Variants in ZFHX3 observed in about 807,000 individuals in gnomAD.
ZFHX3 encodes zinc finger homeobox 3.
ZFHX3 carries 42 observed loss-of-function variants against 279.1 expected under a neutral mutation model. The ratio of observed to expected loss-of-function variants is 0.15; its 90% CI spans 0.12 to 0.19. The LOEUF is 0.19. Ranked by LOEUF, ZFHX3 falls within the 10% of genes least tolerant of loss-of-function variation. The pLI is 1.00. For synonymous variants in ZFHX3, 2,293 were observed against 1,957.8 expected, an observed-to-expected ratio of 1.17 and a Z score of -4.52; for missense variants, 4,981 against 4,754.0, an observed-to-expected ratio of 1.05 and a Z score of -1.40.
intron 5 of ZFHX3, among the ~76,000 whole-genome samples, chr16:72,827,670 C>G (rs776393592): frequency 5.3e-5 from 8 of 152,232 alleles, no homozygotes; most frequent in Non-Finnish European, 1.0e-4. Flanking sequence ...GGCAAAGCCC[C>G]ACAGGAGGAT....
At chr16:73,270,695 C>T (rs1025451026) in intron 4 of ZFHX3, among the ~76,000 whole-genome samples, 6 of 152,114 alleles carry the variant, frequency 3.9e-5, no homozygotes, top group Non-Finnish European at 8.8e-5. Flanking sequence ...TCAGCGGTCC[C>T]CTATCAGGCT....
At chr16:73,454,904 TAAAA>T (rs57645704) in intron 3 of ZFHX3, among the ~76,000 whole-genome samples, 2 of 142,502 alleles carry the variant, frequency 1.4e-5, no homozygotes, top group Non-Finnish European at 3.1e-5. Flanking sequence ...ATAAGACAGT[TAAAA>T]AAAAAAAAAA....
intron 3 of ZFHX3, among the ~76,000 whole-genome samples, chr16:73,383,591 C>T (rs1328573777): frequency 1.3e-5 from 2 of 151,580 alleles, no homozygotes; most frequent in East Asian, 3.9e-4. Context: ...AGCAACAGAG[C>T]TCTTGCGGCT....
chr16:73,659,620 C>G (rs549468485), intron 2 of ZFHX3, among the ~76,000 whole-genome samples: 1 of 152,058 alleles, frequency 6.6e-6, no homozygotes, highest in Non-Finnish European at 1.5e-5. Flanking sequence ...AATAGAAATA[C>G]AGTATTCTTA....
intron 2 of ZFHX3, among the ~76,000 whole-genome samples, chr16:73,472,335 A>T (rs1194933283): frequency 1.3e-5 from 2 of 151,388 alleles, no homozygotes; most frequent in Non-Finnish European, 2.9e-5. Flanking sequence ...TCTCTTGCCC[A>T]TGGTGGCACG....
chr16:73,464,798 C>T (rs1227078854), intron 2 of ZFHX3, among the ~76,000 whole-genome samples: 1 of 152,218 alleles, frequency 6.6e-6, no homozygotes, highest in African/African-American at 2.4e-5. Context: ...CCCAGACCCG[C>T]CTTTGGGTCC....
At chr16:73,131,626 G>C (rs1298139380) in intron 6 of ZFHX3, among the ~76,000 whole-genome samples, 1 of 152,220 alleles carries the variant, frequency 6.6e-6, no homozygotes, top group Non-Finnish European at 1.5e-5. Context: ...ATCCAGAGGA[G>C]AGGGCGAAAG....
intron 2 of ZFHX3, among the ~76,000 whole-genome samples, chr16:73,660,936 G>C (rs1278391229): frequency 5.9e-5 from 9 of 152,032 alleles, no homozygotes; most frequent in Admixed American, 1.3e-4. Context: ...CTAATATGCT[G>C]ATCTACACGT....
At chr16:72,995,679 C>A (rs560937442) in intron 1 of ZFHX3, among the ~76,000 whole-genome samples, 23 of 152,228 alleles carry the variant, frequency 1.5e-4, no homozygotes, top group Middle Eastern at 6.8e-3. Flanking sequence ...CACGGGAATC[C>A]GCCCACAAAC....
chr16:73,185,216 T>C (rs1474245246), intron 5 of ZFHX3, among the ~76,000 whole-genome samples: 1 of 152,202 alleles, frequency 6.6e-6, no homozygotes. Context: ...GTTGAGGGCA[T>C]AGGTGATGGC....
intron 2 of ZFHX3, among the ~76,000 whole-genome samples, chr16:73,576,176 C>G (rs1296696360): frequency 6.6e-6 from 1 of 152,114 alleles, no homozygotes; most frequent in African/African-American, 2.4e-5. Context: ...AAACAATCCC[C>G]ATTTAAGCAG....
Position 72,794,634 on chromosome 16 carries a change from C to T in ZFHX3, c.8048G>A (p.Arg2683His), listed in dbSNP as rs1334159390. The change falls in exon 9 of 10, where the codon CGT (arginine) becomes CAT (histidine). Residue 2683 changes from arginine to histidine, a missense_variant. Coordinates refer to ENST00000268489, the MANE Select transcript of ZFHX3 (RefSeq NM_006885.4). The surrounding 1 kb of genome is among the most constrained non-coding windows in gnomAD (Gnocchi z 4.2). The stretch of plus-strand genomic sequence containing the variant: ...GTTCTGAAACCAGACTTGTACCACA[C>T]GTTTCTTCAAGCCCACCTCGTGTGC... The part of the protein sequence containing the change: ...HIAHEVGLKK[R>H]VVQVWFQNTR... 1.9e-6 allele frequency: 3 copies of T among 1,614,184 alleles called. No homozygotes were observed. Among genetic ancestry groups the T allele is most frequent in the South Asian group, 1.1e-5 (1 of 91,086 alleles).
intron 2 of ZFHX3, among the ~76,000 whole-genome samples, chr16:73,627,886 C>G (rs1037640939): frequency 5.3e-5 from 8 of 152,116 alleles, no homozygotes; most frequent in African/African-American, 1.4e-4. Flanking sequence ...CCACTGCACT[C>G]CAGCCTGGGC....
At chr16:73,079,520 A>T (rs1206123054) in intron 8 of ZFHX3, among the ~76,000 whole-genome samples, 1 of 152,176 alleles carries the variant, frequency 6.6e-6, no homozygotes, top group Non-Finnish European at 1.5e-5. Flanking sequence ...TTTTTTAAAA[A>T]TAGAGATGGG....
chr16:73,401,246 G>C (rs1057273887), intron 3 of ZFHX3: 1 of 151,904 alleles, frequency 6.6e-6, no homozygotes, highest in Non-Finnish European at 1.5e-5. Flanking sequence ...TCCTCAGATG[G>C]CCCTCACAAA....
chr16:73,152,300 GGT>G, intron 5 of ZFHX3, among the ~76,000 whole-genome samples: 1 of 152,186 alleles, frequency 6.6e-6, no homozygotes, highest in African/African-American at 2.4e-5. Flanking sequence ...TGTCAGAGAC[GGT>G]GACAGTTGTG....
intron 4 of ZFHX3, among the ~76,000 whole-genome samples, chr16:72,866,928 T>C (rs963130451): frequency 6.6e-6 from 1 of 152,194 alleles, no homozygotes; most frequent in Admixed American, 6.5e-5. Context: ...GCAGGAAATA[T>C]CCAGATTCCC....
At position 72,843,338 on chromosome 16, in the gene ZFHX3, G is replaced by A. The variant is rs536283677; in HGVS notation, c.3449-13479C>T. On this transcript the variant is annotated intron_variant, in intron 4 of 9. Transcript: ENST00000268489. The stretch of plus-strand genomic sequence containing the variant: ...ATCCTGGCTAACACGGTGAAACCCC[G>A]TCTCTACTAAAAAATACAAAAAATT... Among the ~76,000 whole-genome samples, 40 of 151,884 alleles carry A rather than the reference G, an allele frequency of 2.6e-4. No individual in the cohort carries two copies. In the East Asian group the frequency reaches 3.3e-3, roughly 13 times the overall value.
rs190298464 is a variant in ZFHX3, at chr16:73,560,275, G to A, written c.-1546-104017C>T. Among the ~76,000 whole-genome samples the A allele has an allele frequency of 4.6e-4, 70 of 152,164 alleles. No homozygotes were observed. The Middle Eastern group carries it at 0.01, about 22-fold the overall frequency. On this transcript the variant is annotated intron_variant, in intron 2 of 17. Coordinates refer to the ZFHX3 transcript ENST00000641206. ...AAGTAAATATCACACTAAAAATCCAGATCTTCCTCCTTCCGCCGCTGACAT... is the reference window on the plus strand; with the variant it reads ...AAGTAAATATCACACTAAAAATCCAAATCTTCCTCCTTCCGCCGCTGACAT...
Sources: gnomAD v4.1 joint callset for allele counts (sites outside exome capture counted in the v4.1 genomes callset) on GRCh38, gnomAD v4.1.1 for gene constraint, Gnocchi (gnomAD v3.1) non-coding constraint, MANE v1.5 for transcripts, NCBI Gene and HGNC (gene_info 2026-07-23, HGNC 2026-07-21) for gene names.